The following NT5C3B variants were observed in gnomAD, a reference collection of about 807,000 sequenced individuals.
NT5C3B encodes the protein 5'-nucleotidase, cytosolic IIIB.
Under a neutral mutation model 32.5 loss-of-function variants are expected in NT5C3B, and 28 were observed. That is an observed-to-expected ratio of 0.86 (90% CI 0.64 to 1.18). The LOEUF is 1.18. NT5C3B is among the 50% of genes most tolerant of loss of function. NT5C3B has a pLI of 0.00. For synonymous variants in NT5C3B, 138 were observed against 118.0 expected (o/e 1.17, Z -1.10); for missense variants, 317 against 322.0 (o/e 0.98, Z 0.12).
intron 8 of NT5C3B, among the ~76,000 whole-genome samples, chr17:41,826,531 T>C (rs1555618223): frequency 1.4e-5 from 2 of 147,538 alleles, no homozygotes; most frequent in African/African-American, 4.9e-5. Context: ...CCACGACCCA[T>C]TTTTTTTTTT....
At chr17:41,832,498 G>A in intron 4 of NT5C3B, 21 bp from the exon 5 acceptor site, 2 of 1,600,794 alleles carry the variant, frequency 1.2e-6, no homozygotes, top group East Asian at 2.2e-5. Context: ...CAAATGGGGA[G>A]AAAGGCCATT....
chr17:41,827,735 A>G (rs2144089603), intron 7 of NT5C3B, 109 bp from the exon 8 acceptor site: 1 of 670,500 alleles, frequency 1.5e-6, no homozygotes, highest in Non-Finnish European at 2.7e-6. Flanking sequence ...GTGATAGATA[A>G]TGCCAAAACT....
At chr17:41,832,904 G>A (rs1555619248) in intron 4 of NT5C3B, among the ~76,000 whole-genome samples, 1 of 152,140 alleles carries the variant, frequency 6.6e-6, no homozygotes, top group Non-Finnish European at 1.5e-5. Flanking sequence ...TCATCTAAGA[G>A]AGTGTTACAT....
In NT5C3B at chr17:41,827,513, C is replaced by T; in HGVS notation, c.681G>A (p.Leu227=). Residue 227 remains leucine (L), a synonymous_variant, in exon 8 of 9, where the codon CTG becomes CTA. Transcript: ENST00000435506. ...QQLEGKTNVI[L]LGDSIGDLTM... ...TGAGGTCCCCGATAGAGTCTCCCAGCAGGATGACATTGGTTTTGCCCTCAA... is the reference window on the plus strand; with the variant it reads ...TGAGGTCCCCGATAGAGTCTCCCAGTAGGATGACATTGGTTTTGCCCTCAA... 1.1e-6 allele frequency: 1 copy of T among 872,964 alleles called. No individual in the cohort carries two copies. Among genetic ancestry groups the T allele is most frequent in the Middle Eastern group, 2.2e-4 (1 of 4,612 alleles). The allele number at this position is 872,964 out of a possible 1,614,324, so 54.1% of individuals were successfully genotyped here.
intron 8 of NT5C3B, among the ~76,000 whole-genome samples, chr17:41,827,177 G>A (rs34287311): frequency 0.043 from 6,433 of 151,142 alleles, 460 homozygotes; most frequent in African/African-American, 0.15. Flanking sequence ...GTGGTGGCGG[G>A]TGCCTGTAGT....
chr17:41,827,523 T>C lies in NT5C3B; in HGVS notation c.671A>G (p.Asn224Ser), dbSNP rs1485971895. Residue 224 changes from asparagine to serine, a missense_variant, in exon 8 of 9, where the codon AAT becomes AGT. Transcript: ENST00000435506. ...GYFQQLEGKT[N>S]VILLGDSIGD... ...GATAGAGTCTCCCAGCAGGATGACATTGGTTTTGCCCTCAAGTTGCTGGAA... is the reference window on the plus strand; with the variant it reads ...GATAGAGTCTCCCAGCAGGATGACACTGGTTTTGCCCTCAAGTTGCTGGAA... The C allele has an allele frequency of 1.1e-6, 1 of 872,858 alleles. No homozygotes were observed. Among genetic ancestry groups the C allele is most frequent in the Non-Finnish European group, 2.0e-6 (1 of 501,692 alleles). The allele number at this position is 872,858 out of a possible 1,614,324, so 54.1% of individuals were successfully genotyped here.
intron 2 of NT5C3B, 127 bp from the exon 3 acceptor site, chr17:41,835,399 G>C: frequency 3.9e-6 from 3 of 777,212 alleles, no homozygotes; most frequent in Non-Finnish European, 6.6e-6. Flanking sequence ...AAGCCCTAGG[G>C]GAGTTACCGA....
intron 8 of NT5C3B, among the ~76,000 whole-genome samples, chr17:41,827,164 G>C (rs972863962): frequency 2.0e-5 from 3 of 151,926 alleles, no homozygotes; most frequent in Admixed American, 1.3e-4. Context: ...AAATCAGCCG[G>C]GAGTGGTGGC....
chr17:41,834,990 T>C (rs1555619596), intron 4 of NT5C3B, 80 bp downstream of exon 4: 1 of 1,383,742 alleles, frequency 7.2e-7, no homozygotes, highest in East Asian at 2.3e-5. Context: ...GTCTCTATAC[T>C]GGAATCTTTG....
chr17:41,833,052 C>G (rs543281214), intron 4 of NT5C3B, among the ~76,000 whole-genome samples: 1 of 152,158 alleles, frequency 6.6e-6, no homozygotes, highest in Non-Finnish European at 1.5e-5. Context: ...GCACCTGGAT[C>G]CACAGAGCTG....
At chr17:41,835,771 G>T in intron 2 of NT5C3B, 88 bp downstream of exon 2, 2 of 1,297,708 alleles carry the variant, frequency 1.5e-6, no homozygotes, top group Non-Finnish European at 1.1e-6. Flanking sequence ...GGAGGGGTCC[G>T]CGGCAGAGCA....
chr17:41,835,448 T>G, intron 2 of NT5C3B, 176 bp from the exon 3 acceptor site: 3 of 648,230 alleles, frequency 4.6e-6, no homozygotes, highest in Non-Finnish European at 5.5e-6. Flanking sequence ...TCCTAATTAG[T>G]ACCCGTTAAC....
In NT5C3B at chr17:41,827,597, G is replaced by C. The variant is rs1128966; in HGVS notation, c.597C>G (p.Leu199=). ...AGCTGTTCTTGTTGTATGTGTGTAT[G>C]AGCTGGCCCTTAAATCCCTGGAGAA... ...DGFLQGFKGQ[L]IHTYNKNSSA... The change falls in exon 8 of 9, where the codon CTC becomes CTG. Residue 199 remains leucine (L), a synonymous_variant. Coordinates refer to ENST00000435506, the MANE Select transcript of NT5C3B (RefSeq NM_052935.5). The C allele has an allele frequency of 0.74, 636,709 of 855,048 alleles. 241,762 individuals carry two copies. The highest frequency in any genetic ancestry group is 0.86 in the Admixed American group (50,595 of 59,134). The allele number at this position is 855,048 out of a possible 1,614,324, so 53.0% of individuals were successfully genotyped here. A position where few individuals can be genotyped will look rare whatever the true frequency, so the allele number is the denominator to read the frequency against.
chr17:41,832,811 T>C (rs2048074749), intron 4 of NT5C3B: 1 of 197,484 alleles, frequency 5.1e-6, no homozygotes, highest in Admixed American at 5.4e-5. Flanking sequence ...GAGGTTGCAG[T>C]GAGCCAAGAC....
rs375921113 is a variant in NT5C3B, at chr17:41,825,493, G to A, written c.*30C>T. The A allele has an allele frequency of 6.9e-6, 6 of 864,628 alleles. No individual in the cohort carries two copies. The African/African-American group carries it at 9.8e-5, about 14-fold the overall frequency. The allele number at this position is 864,628 out of a possible 1,614,324, so 53.6% of individuals were successfully genotyped here. On this transcript the variant is annotated 3_prime_UTR_variant, in exon 9 of 9. Coordinates refer to ENST00000435506, the MANE Select transcript of NT5C3B (RefSeq NM_052935.5). ...CTGGGGAGGCGCCCCTCCTCACCAC[G>A]GCCTGCAGGCCGGGCTGGAGCCTGC...
intron 6 of NT5C3B, among the ~76,000 whole-genome samples, chr17:41,830,525 G>C (rs544576892): frequency 7.9e-5 from 12 of 151,352 alleles, no homozygotes; most frequent in African/African-American, 2.7e-4. Context: ...GAAGAGAAGA[G>C]AAGACAAGAG....
At chr17:41,831,062 T>A (rs1157478441) in intron 5 of NT5C3B, among the ~76,000 whole-genome samples, 172 bp from the exon 6 acceptor site, 3 of 152,170 alleles carry the variant, frequency 2.0e-5, no homozygotes, top group Admixed American at 6.5e-5. Flanking sequence ...TTCATGCCTA[T>A]AATCCCAGCA....
In NT5C3B at chr17:41,825,263, T is replaced by G. The variant is rs1008509485; in HGVS notation, c.*260A>C. On this transcript the variant is annotated 3_prime_UTR_variant, in exon 9 of 9. Transcript: ENST00000435506. ...CCATGTTTAAAAATTTTGAAGAAAA[T>G]CCCTGGAGTAGACAATCCCTAGAGC... 4.1e-5 allele frequency: 17 copies of G among 414,984 alleles called. No homozygotes were observed. In the Admixed American group the frequency reaches 5.9e-4, roughly 14 times the overall value. The allele number at this position is 414,984 out of a possible 1,614,324, so 25.7% of individuals were successfully genotyped here.
intron 4 of NT5C3B, among the ~76,000 whole-genome samples, chr17:41,833,920 A>G (rs1464837158): frequency 6.6e-6 from 1 of 152,226 alleles, no homozygotes; most frequent in Non-Finnish European, 1.5e-5. Flanking sequence ...AAAAATGAGA[A>G]TTGACCAAGT....
Sources: allele counts gnomAD v4.1 joint callset (sites outside exome capture counted in the v4.1 genomes callset), GRCh38; gene constraint gnomAD v4.1.1; transcripts MANE v1.5; gene names NCBI Gene and HGNC (gene_info 2026-07-23, HGNC 2026-07-21).